The following EPHB1 variants were observed in gnomAD, a reference collection of about 807,000 sequenced individuals.
EPHB1 encodes ephrin type-B receptor 1.
In EPHB1, 30 loss-of-function variants were observed where a neutral mutation model predicts 94.4. The ratio of observed to expected loss-of-function variants is 0.32; its 90% CI spans 0.24 to 0.43. The LOEUF (loss-of-function observed/expected upper bound fraction) is 0.43, where lower values mean the gene tolerates loss of function less well. Ranked by LOEUF, EPHB1 falls within the 20% of genes least tolerant of loss-of-function variation. The pLI is 1.00. For synonymous variants in EPHB1, 522 were observed against 489.1 expected, an observed-to-expected ratio of 1.07 and a Z score of -0.89; for missense variants, 1,055 against 1,308.3, an observed-to-expected ratio of 0.81 and a Z score of 2.99.
rs16842587 is a variant in EPHB1 at position 135,102,467 on chromosome 3, A to C, written c.806-3981A>C. 5.1e-3 allele frequency among the ~76,000 whole-genome samples: 778 copies of C among 152,352 alleles called. 6 individuals are homozygous for C. Among genetic ancestry groups the C allele is most frequent in the African/African-American group, 0.018 (746 of 41,590 alleles). ...ATTTATTTTTCTATGTTAAATTTCT[A>C]GTGAAAAAATATTGTTAACTTTTGT... On this transcript the variant is annotated intron_variant, in intron 3 of 15. Coordinates refer to ENST00000398015, the MANE Select transcript of EPHB1 (RefSeq NM_004441.5).
Position 134,962,896 on chromosome 3 carries a change from C to T in EPHB1, c.805+10844C>T, listed in dbSNP as rs1933577018. On this transcript the variant is annotated intron_variant, in intron 3 of 15. Transcript: ENST00000398015. ...ATCCCCTTCCCTGACCAGGTGTCTA[C>T]CCTCTACTGGAGCATACACCTTCCA... is the stretch of plus-strand genomic sequence containing the variant. Among the ~76,000 whole-genome samples the T allele has an allele frequency of 3.3e-5, 5 of 152,078 alleles. No individual in the cohort carries two copies. The South Asian group carries it at 1.0e-3, about 32-fold the overall frequency.
At chr3:135,015,013 G>A (rs1576317722) in intron 3 of EPHB1, among the ~76,000 whole-genome samples, 1 of 152,172 alleles carries the variant, frequency 6.6e-6, no homozygotes, top group Non-Finnish European at 1.5e-5. Context: ...TGGGCTGCAG[G>A]TGTGTGTGGA....
At chr3:135,066,132 TCTTTC>T (rs1271046441) in intron 3 of EPHB1, among the ~76,000 whole-genome samples, 1 of 152,204 alleles carries the variant, frequency 6.6e-6, no homozygotes, top group Non-Finnish European at 1.5e-5. Context: ...CTCTTGAGAT[TCTTTC>T]CTTTGTCTTA....
intron 3 of EPHB1, among the ~76,000 whole-genome samples, chr3:135,055,995 C>T (rs1254274918): frequency 6.6e-6 from 1 of 152,210 alleles, no homozygotes; most frequent in African/African-American, 2.4e-5. Flanking sequence ...ACCCTCTGTT[C>T]TGGCCCAGAA....
chr3:135,039,011 GA>G (rs1261360449), intron 3 of EPHB1, among the ~76,000 whole-genome samples: 5 of 152,120 alleles, frequency 3.3e-5, no homozygotes, highest in African/African-American at 4.8e-5. Context: ...GTCCCCATCA[GA>G]TTAGTTAGAT....
rs1219071488 is a variant in EPHB1, at chr3:135,255,603, C to A, written c.2847-3409C>A. ...GAGATAGTTTGTTATAATTTCTGTT[C>A]TTTTACATTTGCTGAGGAGAGCTTT... On this transcript the variant is annotated intron_variant, in intron 15 of 15. Transcript: ENST00000398015. Among the ~76,000 whole-genome samples, 47 of 148,890 alleles carry A rather than the reference C, an allele frequency of 3.2e-4. 2 individuals are homozygous for A. The highest frequency in any genetic ancestry group is 3.1e-3 in the Admixed American group (46 of 14,888).
chr3:135,103,378 T>C (rs1224139350), intron 3 of EPHB1, among the ~76,000 whole-genome samples: 1 of 152,220 alleles, frequency 6.6e-6, no homozygotes, highest in African/African-American at 2.4e-5. Context: ...GTTCCAGGAT[T>C]TATTTGCCCA....
intron 3 of EPHB1, among the ~76,000 whole-genome samples, chr3:135,038,794 G>A (rs534890385): frequency 1.3e-5 from 2 of 152,196 alleles, no homozygotes; most frequent in South Asian, 4.1e-4. Flanking sequence ...GCAGTAGCAA[G>A]ATTTATTGCA....
At chr3:135,154,695 G>C (rs1483360435) in intron 6 of EPHB1, among the ~76,000 whole-genome samples, 4 of 152,246 alleles carry the variant, frequency 2.6e-5, no homozygotes, top group Middle Eastern at 3.4e-3. Context: ...TAAATTATAT[G>C]CATGTACTAC....
chr3:134,896,816 TGTC>T (rs2038095012), intron 1 of EPHB1, among the ~76,000 whole-genome samples: 1 of 152,208 alleles, frequency 6.6e-6, no homozygotes, highest in Non-Finnish European at 1.5e-5. Context: ...CTGCGGCTAT[TGTC>T]GTCAGGCCCT....
chr3:135,098,738 A>G (rs1425496185), intron 3 of EPHB1, among the ~76,000 whole-genome samples: 1 of 152,084 alleles, frequency 6.6e-6, no homozygotes, highest in Non-Finnish European at 1.5e-5. Context: ...TTGACCGAGC[A>G]TGTTGGCTTA....
intron 1 of EPHB1, among the ~76,000 whole-genome samples, chr3:134,813,709 T>C (rs1167527290): frequency 6.6e-6 from 1 of 152,204 alleles, no homozygotes; most frequent in Non-Finnish European, 1.5e-5. Flanking sequence ...TAGCTTTCAA[T>C]GACAGTCTCA....
In EPHB1 at chr3:135,085,178, C is replaced by A. The variant is rs1938310589; in HGVS notation, c.806-21270C>A. ...AGCCACGAGCAGACCTGGCCTAGGG[C>A]TCACCTGTGTTCTCCAATGGCTGAG... On this transcript the variant is annotated intron_variant, in intron 3 of 15. Transcript: ENST00000398015. 7.2e-5 allele frequency among the ~76,000 whole-genome samples: 11 copies of A among 152,314 alleles called. No homozygotes were observed. The South Asian group carries it at 2.1e-3, about 29-fold the overall frequency.
At chr3:134,805,330 G>C (rs545557296) in intron 1 of EPHB1, among the ~76,000 whole-genome samples, 1 of 152,196 alleles carries the variant, frequency 6.6e-6, no homozygotes, top group African/African-American at 2.4e-5. Context: ...AAGGAACAAG[G>C]TGTCAGTATC....
At chr3:135,249,287 C>G (rs1051046749) in intron 14 of EPHB1, 49 bp from the exon 15 acceptor site, 1 of 1,572,164 alleles carries the variant, frequency 6.4e-7, no homozygotes. Context: ...GGGGCACTGT[C>G]CATGCATCTC....
chr3:135,136,833 G>T (rs904765972), intron 5 of EPHB1, among the ~76,000 whole-genome samples: 3 of 152,152 alleles, frequency 2.0e-5, no homozygotes, highest in African/African-American at 2.4e-5. Flanking sequence ...TTTATGTGAG[G>T]TCTTCAGGGA....
intron 12 of EPHB1, among the ~76,000 whole-genome samples, chr3:135,226,469 A>G (rs975647859): frequency 6.6e-6 from 1 of 152,066 alleles, no homozygotes; most frequent in South Asian, 2.1e-4. Flanking sequence ...TCAGTGTAGA[A>G]TGGGGCAGGA....
chr3:134,858,090 T>G (rs1212739918), intron 1 of EPHB1, among the ~76,000 whole-genome samples: 1 of 152,038 alleles, frequency 6.6e-6, no homozygotes, highest in Non-Finnish European at 1.5e-5. Context: ...ACCTAAGATT[T>G]AAGAACTCCT....
chr3:134,922,119 C>T (rs556472395), intron 1 of EPHB1, among the ~76,000 whole-genome samples: 74 of 152,340 alleles, frequency 4.9e-4, no homozygotes, highest in South Asian at 1.2e-3. Context: ...CAGCACCACA[C>T]GCACTTCCAG....
Sources: allele counts gnomAD v4.1 joint callset (sites outside exome capture counted in the v4.1 genomes callset), GRCh38; gene constraint gnomAD v4.1.1; transcripts MANE v1.5; gene names NCBI Gene and HGNC (gene_info 2026-07-23, HGNC 2026-07-21).